DENND4A: variants seen among roughly 807,000 people sequenced by gnomAD.
DENND4A encodes the protein C-myc promoter-binding protein.
DENND4A carries 70 observed loss-of-function variants against 199.3 expected under a neutral mutation model. That is an observed-to-expected ratio of 0.35 (90% CI 0.29 to 0.43). The LOEUF is 0.43. Among genes scored for constraint, DENND4A ranks in the 20% least tolerant of loss-of-function variants. The pLI, the probability that DENND4A is intolerant of heterozygous loss-of-function variation, is 1.00. For synonymous variants in DENND4A, 686 were observed against 766.9 expected (o/e 0.89, Z 1.74); for missense variants, 1,723 against 2,255.8 (o/e 0.76, Z 4.78).
At chr15:65,733,577 A>G (rs1290896766) in intron 7 of DENND4A, among the ~76,000 whole-genome samples, 1 of 152,216 alleles carries the variant, frequency 6.6e-6, no homozygotes, top group Non-Finnish European at 1.5e-5. Flanking sequence ...TTGACTGTTT[A>G]CTATATAAAA....
chr15:65,704,267 G>A (rs546258386), intron 15 of DENND4A, among the ~76,000 whole-genome samples: 2 of 152,138 alleles, frequency 1.3e-5, no homozygotes, highest in Non-Finnish European at 2.9e-5. Context: ...GGACATTTAC[G>A]GTGTTTTCCC....
chr15:65,709,759 T>C (rs2075189072), intron 14 of DENND4A, among the ~76,000 whole-genome samples: 1 of 144,680 alleles, frequency 6.9e-6, no homozygotes, highest in Admixed American at 7.0e-5. Context: ...TGACACTTTA[T>C]TTTCTCTAAT....
chr15:65,684,161 A>T (rs996690833), intron 23 of DENND4A, among the ~76,000 whole-genome samples: 2 of 152,118 alleles, frequency 1.3e-5, no homozygotes, highest in Non-Finnish European at 2.9e-5. Context: ...TTTGGCTTTT[A>T]TGAACAATGT....
chr15:65,761,688 T>C (rs960932138), intron 1 of DENND4A, among the ~76,000 whole-genome samples: 14 of 140,180 alleles, frequency 1.0e-4, no homozygotes, highest in African/African-American at 3.6e-4. Flanking sequence ...AACTAGCAGA[T>C]AAGGGGGAAA....
At chr15:65,788,184 C>G (rs1324384196) in intron 1 of DENND4A, among the ~76,000 whole-genome samples, 1 of 151,970 alleles carries the variant, frequency 6.6e-6, no homozygotes, top group Admixed American at 6.6e-5. Context: ...TCACGCCATT[C>G]TCCTGCCTCA....
chr15:65,712,273 A>G (rs910904939), intron 14 of DENND4A, among the ~76,000 whole-genome samples: 1 of 152,228 alleles, frequency 6.6e-6, no homozygotes, highest in African/African-American at 2.4e-5. Context: ...GTTCCTGTTC[A>G]TATGTACAAA....
intron 1 of DENND4A, among the ~76,000 whole-genome samples, chr15:65,787,895 T>C (rs1280546665): frequency 6.6e-6 from 1 of 152,084 alleles, no homozygotes; most frequent in Non-Finnish European, 1.5e-5. Flanking sequence ...TCAAAGACCA[T>C]TGCCTACTGA....
chr15:65,728,152 G>A (rs966384629), intron 11 of DENND4A, among the ~76,000 whole-genome samples: 4 of 151,956 alleles, frequency 2.6e-5, no homozygotes, highest in South Asian at 4.1e-4. Flanking sequence ...GGGATTACCT[G>A]CCACCACGTC....
chr15:65,690,329 A>C, intron 23 of DENND4A, 86 bp downstream of exon 23: 2 of 1,384,850 alleles, frequency 1.4e-6, no homozygotes, highest in Non-Finnish European at 1.9e-6. Context: ...TATGTTTAGA[A>C]GAATAGTTAA....
rs1347514651 is a variant in DENND4A at position 65,660,051 on chromosome 15, C to A, written c.*1800G>T. On this transcript the variant is annotated 3_prime_UTR_variant, in exon 33 of 33. Transcript: ENST00000443035. ...TGTTTATCACCAGTGCCAAAAGCCT[C>A]CCCCCTCTGAAATGTTTCTCTCAGT... is the stretch of plus-strand genomic sequence containing the variant. 2.2e-6 allele frequency: 1 copy of A among 450,312 alleles called. No homozygotes were observed. The highest frequency in any genetic ancestry group is 2.0e-5 in the African/African-American group (1 of 50,100). 27.9% of individuals were successfully genotyped at this position (450,312 alleles called of 1,614,324 possible).
In DENND4A at chr15:65,660,749, A is replaced by T. The variant is rs552081499; in HGVS notation, c.*1102T>A. On this transcript the variant is annotated 3_prime_UTR_variant, in exon 33 of 33. Coordinates refer to ENST00000443035, the MANE Select transcript of DENND4A (RefSeq NM_001320835.1). Reference sequence around the variant, plus strand: ...GAAAAAGCTAAGTTCCTCAATATGGATGAAAATCTATCTGGCTGTACTTTT... The same window carrying T: ...GAAAAAGCTAAGTTCCTCAATATGGTTGAAAATCTATCTGGCTGTACTTTT... 1 of 153,756 alleles carries T rather than the reference A, an allele frequency of 6.5e-6. No individual in the cohort carries two copies. Among genetic ancestry groups the T allele is most frequent in the African/African-American group, 2.4e-5 (1 of 41,620 alleles). 9.5% of individuals were successfully genotyped at this position (153,756 alleles called of 1,614,324 possible).
At chr15:65,679,209 C>T (rs1441360321) in intron 23 of DENND4A, among the ~76,000 whole-genome samples, 1 of 152,076 alleles carries the variant, frequency 6.6e-6, no homozygotes, top group African/African-American at 2.4e-5. Flanking sequence ...TCAAGTGATT[C>T]TCCTGCCTCA....
Position 65,661,272 on chromosome 15 carries a change from CAGAG to C in DENND4A, c.*575_*578del, listed in dbSNP as rs1237918853. 1 of 152,114 alleles carries C rather than the reference CAGAG, an allele frequency of 6.6e-6. No homozygotes were observed. Among genetic ancestry groups the C allele is most frequent in the African/African-American group, 2.4e-5 (1 of 41,410 alleles). 9.4% of individuals were successfully genotyped at this position (152,114 alleles called of 1,614,324 possible). On this transcript the variant is annotated 3_prime_UTR_variant, in exon 33 of 33. Coordinates refer to ENST00000443035, the MANE Select transcript of DENND4A (RefSeq NM_001320835.1). ...AAATATATATATAGATAGATATACA[CAGAG>C]AGATCTGCAGCTGTACTAATTACTT... is the stretch of plus-strand genomic sequence containing the variant.
intron 3 of DENND4A, among the ~76,000 whole-genome samples, chr15:65,754,189 TA>T (rs959479422): frequency 1.4e-3 from 205 of 151,744 alleles, no homozygotes; most frequent in Non-Finnish European, 1.7e-3. Context: ...ATCAACAAAT[TA>T]AAAAAAAATC....
At chr15:65,706,333 T>C (rs2075048064) in intron 14 of DENND4A, 109 bp from the exon 15 acceptor site, 5 of 1,106,948 alleles carry the variant, frequency 4.5e-6, no homozygotes, top group Middle Eastern at 3.1e-4. Flanking sequence ...ACTAAACAGC[T>C]ATTAAAAAAG....
At chr15:65,734,368 TTGTC>T (rs1337916575) in intron 7 of DENND4A, among the ~76,000 whole-genome samples, 2 of 152,156 alleles carry the variant, frequency 1.3e-5, no homozygotes, top group Non-Finnish European at 2.9e-5. Context: ...GTTCACGTGT[TTGTC>T]TGCTGACCCT....
intron 7 of DENND4A, among the ~76,000 whole-genome samples, chr15:65,736,290 G>A (rs550368859): frequency 1.1e-4 from 17 of 152,020 alleles, no homozygotes; most frequent in African/African-American, 3.6e-4. Context: ...ATGGAGTCTC[G>A]CTCTGTCGCC....
chr15:65,746,536 A>G (rs1224766410), intron 4 of DENND4A, among the ~76,000 whole-genome samples: 1 of 151,024 alleles, frequency 6.6e-6, no homozygotes, highest in Non-Finnish European at 1.5e-5. Context: ...ACAGGTGTGC[A>G]CTACCAGGCC....
chr15:65,766,138 C>A (rs1321186444), intron 1 of DENND4A, among the ~76,000 whole-genome samples: 1 of 151,418 alleles, frequency 6.6e-6, no homozygotes, highest in African/African-American at 2.4e-5. Flanking sequence ...GTAGTCCCAG[C>A]TACTCAGGAG....
Sources: gnomAD v4.1 joint callset for allele counts (sites outside exome capture counted in the v4.1 genomes callset) on GRCh38, gnomAD v4.1.1 for gene constraint, MANE v1.5 for transcripts, NCBI Gene and HGNC (gene_info 2026-07-23, HGNC 2026-07-21) for gene names.